DLGAP2: variants seen among roughly 807,000 people sequenced by gnomAD.
DLGAP2 encodes the protein disks large-associated protein 2.
In DLGAP2, 26 loss-of-function variants were observed where a neutral mutation model predicts 100.3. The ratio of observed to expected loss-of-function variants is 0.26; its 90% CI spans 0.19 to 0.36. DLGAP2 has a LOEUF of 0.36. DLGAP2 is among the 10% of genes least tolerant of loss of function. DLGAP2 has a pLI of 1.00. For missense variants in DLGAP2, 1,858 were observed against 1,453.2 expected (o/e 1.28, Z -4.53); for synonymous variants, 886 against 630.1 (o/e 1.41, Z -6.08).
At chr8:1,192,882 T>C (rs1180091975) in intron 2 of DLGAP2, among the ~76,000 whole-genome samples, 5 of 151,944 alleles carry the variant, frequency 3.3e-5, no homozygotes, top group African/African-American at 9.7e-5. Context: ...TCCAAGTGAT[T>C]TCATTGTTCA....
Position 957,252 on chromosome 8 carries a change from C to A in DLGAP2, c.73+49286C>A, listed in dbSNP as rs543481808. On this transcript the variant is annotated intron_variant, in intron 2 of 14. Coordinates refer to ENST00000637795, the MANE Select transcript of DLGAP2 (RefSeq NM_001346810.2). ...TCAGTGCTTGTGGGACAGCCAGAGG[C>A]CCCTCCAGGGCCTCCTGTCTTCCCC... Among the ~76,000 whole-genome samples the A allele has an allele frequency of 3.3e-5, 5 of 152,320 alleles. No individual in the cohort carries two copies. In the East Asian group the frequency reaches 9.7e-4, roughly 29 times the overall value.
intron 2 of DLGAP2, among the ~76,000 whole-genome samples, chr8:997,657 A>G (rs1190254239): frequency 6.6e-6 from 1 of 152,242 alleles, no homozygotes; most frequent in Non-Finnish European, 1.5e-5. Flanking sequence ...CTTCACACAA[A>G]CGTTTGTTCA....
At chr8:1,164,438 GAAA>G (rs1796974072) in intron 2 of DLGAP2, among the ~76,000 whole-genome samples, 1 of 151,842 alleles carries the variant, frequency 6.6e-6, no homozygotes, top group African/African-American at 2.4e-5. Flanking sequence ...AGCCCCATGT[GAAA>G]GTCTGGAGGC....
At chr8:1,408,590 C>T (rs1796641948) in intron 3 of DLGAP2, among the ~76,000 whole-genome samples, 1 of 152,186 alleles carries the variant, frequency 6.6e-6, no homozygotes, top group Non-Finnish European at 1.5e-5. Flanking sequence ...TGTTCGGCAA[C>T]TGGAGTTTCT....
chr8:1,069,751 C>G (rs1300262382), intron 2 of DLGAP2, among the ~76,000 whole-genome samples: 2 of 152,160 alleles, frequency 1.3e-5, no homozygotes, highest in African/African-American at 2.4e-5. Flanking sequence ...GGCCTGAGGG[C>G]TTGGAATTCA....
intron 2 of DLGAP2, among the ~76,000 whole-genome samples, chr8:1,216,006 G>A (rs1042080288): frequency 6.6e-6 from 1 of 152,180 alleles, no homozygotes; most frequent in Non-Finnish European, 1.5e-5. Context: ...ATCACCTGGA[G>A]ACGTCTAGGC....
intron 3 of DLGAP2, among the ~76,000 whole-genome samples, chr8:1,483,376 G>A (rs1799150774): frequency 6.6e-6 from 1 of 152,180 alleles, no homozygotes; most frequent in Admixed American, 6.5e-5. Context: ...GAGTCTCCAG[G>A]CGCCACGTGG....
chr8:864,799 T>A (rs1254066562), intron 1 of DLGAP2, among the ~76,000 whole-genome samples: 1 of 152,156 alleles, frequency 6.6e-6, no homozygotes, highest in Non-Finnish European at 1.5e-5. Context: ...GAATTTGTTT[T>A]TAAAAAGGGA....
chr8:1,181,774 G>A (rs76260366), intron 2 of DLGAP2, among the ~76,000 whole-genome samples: 1 of 151,942 alleles, frequency 6.6e-6, no homozygotes, highest in African/African-American at 2.4e-5. Flanking sequence ...GGCTGGGCTA[G>A]GGATTGATGG....
chr8:930,815 A>T (rs1554447851), intron 2 of DLGAP2, among the ~76,000 whole-genome samples: 2 of 152,216 alleles, frequency 1.3e-5, no homozygotes, highest in Non-Finnish European at 2.9e-5. Context: ...AGTGAAAACC[A>T]GGGAACTCAG....
chr8:1,367,870 G>A (rs1802143767), intron 3 of DLGAP2, among the ~76,000 whole-genome samples: 1 of 152,254 alleles, frequency 6.6e-6, no homozygotes, highest in African/African-American at 2.4e-5. Flanking sequence ...TATATAAACT[G>A]GTAAGAGAGA....
chr8:928,630 G>T (rs1224865033), intron 2 of DLGAP2, among the ~76,000 whole-genome samples: 1 of 152,086 alleles, frequency 6.6e-6, no homozygotes, highest in Non-Finnish European at 1.5e-5. Flanking sequence ...AAAAAATAAA[G>T]CACAGGGGAA....
In DLGAP2 at chr8:1,608,908, G is replaced by A. The variant is rs370860722; in HGVS notation, c.1443-17832G>A. On this transcript the variant is annotated intron_variant, in intron 6 of 14. Coordinates refer to ENST00000637795, the MANE Select transcript of DLGAP2 (RefSeq NM_001346810.2). ...GACTATGTGAAAAGACCAAATCTAC[G>A]TCTGATTGGTGTACCTGAAAGTGAT... Among the ~76,000 whole-genome samples the A allele has an allele frequency of 6.6e-5, 10 of 152,040 alleles. No individual in the cohort carries two copies. In the South Asian group the frequency reaches 1.5e-3, roughly 22 times the overall value.
chr8:1,514,606 G>C (rs1200890950), intron 4 of DLGAP2, among the ~76,000 whole-genome samples: 1 of 152,222 alleles, frequency 6.6e-6, no homozygotes, highest in Non-Finnish European at 1.5e-5. Context: ...GGCGCCGCTA[G>C]AGAACTTTGC....
intron 2 of DLGAP2, among the ~76,000 whole-genome samples, chr8:1,044,079 C>T (rs1163925282): frequency 4.6e-5 from 7 of 152,194 alleles, no homozygotes; most frequent in African/African-American, 9.6e-5. Flanking sequence ...TATGGCTCAC[C>T]GGTCCCACTC....
At chr8:1,690,204 A>C (rs960009804) in intron 12 of DLGAP2, among the ~76,000 whole-genome samples, 5 of 151,954 alleles carry the variant, frequency 3.3e-5, no homozygotes, top group African/African-American at 1.2e-4. Context: ...AAAAATACAA[A>C]AATTAGCCAG....
chr8:1,571,054 C>A (rs1405307956), intron 6 of DLGAP2, among the ~76,000 whole-genome samples: 1 of 120,074 alleles, frequency 8.3e-6, no homozygotes, highest in East Asian at 2.7e-4. Context: ...GAGAGGTGAA[C>A]TGTGGGGGCA....
intron 2 of DLGAP2, among the ~76,000 whole-genome samples, chr8:1,218,798 A>G (rs900295935): frequency 6.6e-6 from 1 of 152,038 alleles, no homozygotes; most frequent in African/African-American, 2.4e-5. Flanking sequence ...TTCATCTCTA[A>G]TATCTTTCAG....
intron 1 of DLGAP2, among the ~76,000 whole-genome samples, chr8:830,764 G>A (rs1796765887): frequency 6.6e-6 from 1 of 151,946 alleles, no homozygotes; most frequent in African/African-American, 2.4e-5. Flanking sequence ...TACAATTCAA[G>A]TATTTTTGTT....
Sources: allele counts gnomAD v4.1 joint callset (sites outside exome capture counted in the v4.1 genomes callset), GRCh38; gene constraint gnomAD v4.1.1; transcripts MANE v1.5; gene names NCBI Gene and HGNC (gene_info 2026-07-23, HGNC 2026-07-21).